Variants in CSMD2 observed in about 807,000 individuals in gnomAD.
CSMD2 encodes the protein CUB and sushi domain-containing protein 2.
Under a neutral mutation model 398.5 loss-of-function variants are expected in CSMD2, and 130 were observed. The ratio of observed to expected loss-of-function variants is 0.33; its 90% CI spans 0.28 to 0.38. The LOEUF is 0.38. Among genes scored for constraint, CSMD2 ranks in the 10% least tolerant of loss-of-function variants. The probability of loss-of-function intolerance (pLI) is 1.00; values close to 1 mark genes in which losing one functional copy is unlikely to be tolerated. For synonymous variants in CSMD2, 1,828 were observed against 1,908.5 expected, an observed-to-expected ratio of 0.96 and a Z score of 1.10; for missense variants, 3,829 against 4,764.9, an observed-to-expected ratio of 0.80 and a Z score of 5.78.
In CSMD2 at chr1:34,026,620, C is replaced by T. The variant is rs375366994; in HGVS notation, c.517+5974G>A. 2.0e-5 allele frequency among the ~76,000 whole-genome samples: 3 copies of T among 152,344 alleles called. No individual in the cohort carries two copies. The East Asian group carries it at 5.8e-4, about 29-fold the overall frequency. ...TGCAACCAGGATTAAGCACTAAAAACCTGCAGAGACTCTTCCCTCATTGGC... is the reference window on the plus strand; with the variant it reads ...TGCAACCAGGATTAAGCACTAAAAATCTGCAGAGACTCTTCCCTCATTGGC... On this transcript the variant is annotated intron_variant, in intron 3 of 70. Coordinates refer to ENST00000373381, the MANE Select transcript of CSMD2 (RefSeq NM_001281956.2).
intron 1 of CSMD2, among the ~76,000 whole-genome samples, chr1:34,096,211 C>A (rs1558380147): frequency 2.0e-5 from 3 of 151,938 alleles, no homozygotes; most frequent in African/African-American, 2.4e-5. Context: ...AATTCAACAA[C>A]CCTTCATGCT....
chr1:33,595,381 C>T (rs1639769582), intron 44 of CSMD2, among the ~76,000 whole-genome samples: 1 of 152,200 alleles, frequency 6.6e-6, no homozygotes, highest in East Asian at 1.9e-4. Context: ...TGCATCCTCT[C>T]ACCTGGAGTA....
chr1:33,673,182 T>TG (rs1644575492), intron 25 of CSMD2, among the ~76,000 whole-genome samples: 1 of 151,992 alleles, frequency 6.6e-6, no homozygotes, highest in Non-Finnish European at 1.5e-5. Flanking sequence ...GGAGGAAGGT[T>TG]GAACCAATGG....
At chr1:33,895,386 G>T (rs1642312441) in intron 5 of CSMD2, among the ~76,000 whole-genome samples, 1 of 152,160 alleles carries the variant, frequency 6.6e-6, no homozygotes, top group African/African-American at 2.4e-5. Context: ...AAGAGGCAGG[G>T]ATTGGCCCTA....
chr1:33,716,261 C>T, intron 20 of CSMD2, 25 bp downstream of exon 20: 1 of 1,580,170 alleles, frequency 6.3e-7, no homozygotes. Context: ...GGTCTCTTCC[C>T]CTCAGGGACC....
At chr1:33,775,273 A>G (rs1389709840) in intron 12 of CSMD2, among the ~76,000 whole-genome samples, 1 of 152,292 alleles carries the variant, frequency 6.6e-6, no homozygotes, top group East Asian at 1.9e-4. Context: ...CACTCACCTC[A>G]CTGGTCTTCA....
intron 1 of CSMD2, among the ~76,000 whole-genome samples, chr1:34,131,232 A>G (rs191746953): frequency 0.012 from 1,824 of 152,280 alleles, 100 homozygotes; most frequent in Admixed American, 0.11. Flanking sequence ...ACAGATGAGG[A>G]CACTGAGGTG....
intron 25 of CSMD2, among the ~76,000 whole-genome samples, chr1:33,668,042 C>G (rs557017569): frequency 2.6e-5 from 4 of 152,124 alleles, no homozygotes; most frequent in Non-Finnish European, 5.9e-5. Flanking sequence ...ACAGAGTGGC[C>G]GGAGAAGACC....
chr1:33,678,544 TG>T (rs1322139210), intron 25 of CSMD2, among the ~76,000 whole-genome samples: 25 of 152,088 alleles, frequency 1.6e-4, no homozygotes, highest in African/African-American at 6.0e-4. Flanking sequence ...AATGAACAGC[TG>T]CTGCAGGGGG....
chr1:33,988,746 T>G (rs1411025870), intron 3 of CSMD2, among the ~76,000 whole-genome samples: 1 of 151,340 alleles, frequency 6.6e-6, no homozygotes, highest in Non-Finnish European at 1.5e-5. Flanking sequence ...AAGGAGGGGA[T>G]GCTGATAGGG....
chr1:33,530,946 G>C (rs1655177167), intron 64 of CSMD2, among the ~76,000 whole-genome samples: 1 of 152,020 alleles, frequency 6.6e-6, no homozygotes, highest in Admixed American at 6.5e-5. Flanking sequence ...GGGCTAGGGT[G>C]GGGTGGTACT....
At chr1:33,809,229 A>G (rs185482986) in intron 10 of CSMD2, among the ~76,000 whole-genome samples, 35 of 151,766 alleles carry the variant, frequency 2.3e-4, no homozygotes, top group Admixed American at 2.0e-3. Context: ...GCAATATGAA[A>G]AAACAAATAA....
At chr1:33,966,233 C>G (rs567431244) in intron 3 of CSMD2, among the ~76,000 whole-genome samples, 5 of 152,326 alleles carry the variant, frequency 3.3e-5, no homozygotes, top group African/African-American at 1.2e-4. Context: ...AGCAGTGAAG[C>G]CTTCTTGACT....
chr1:33,599,873 G>GT (rs1174745124), intron 44 of CSMD2: 1 of 393,840 alleles, frequency 2.5e-6, no homozygotes, highest in Non-Finnish European at 4.5e-6. Flanking sequence ...GTCTTAGTGT[G>GT]TTTCTGCAAG....
chr1:34,140,734 C>G (rs1639214124), intron 1 of CSMD2, among the ~76,000 whole-genome samples: 1 of 152,170 alleles, frequency 6.6e-6, no homozygotes. Flanking sequence ...TCCCAATCTC[C>G]AATCTATGCC....
chr1:33,774,105 G>GAT, intron 12 of CSMD2, among the ~76,000 whole-genome samples: 1 of 138,528 alleles, frequency 7.2e-6, no homozygotes, highest in Non-Finnish European at 1.6e-5. Context: ...CTATGGCTGG[G>GAT]ATTGTGTGTG....
In CSMD2 at chr1:33,775,254, T is replaced by C. The variant is rs530088755; in HGVS notation, c.1664-2503A>G. Among the ~76,000 whole-genome samples the C allele has an allele frequency of 6.9e-4, 105 of 152,332 alleles. 1 individual carries two copies. The highest frequency in any genetic ancestry group is 2.4e-3 in the African/African-American group (101 of 41,574). On this transcript the variant is annotated intron_variant, in intron 12 of 70. Coordinates refer to ENST00000373381, the MANE Select transcript of CSMD2 (RefSeq NM_001281956.2). ...AAAATAAAGCCTGGATCCAACCCTATGCTCAGATCACTCACCTCACTGGTC... is the reference window on the plus strand; with the variant it reads ...AAAATAAAGCCTGGATCCAACCCTACGCTCAGATCACTCACCTCACTGGTC...
At chr1:33,920,223 T>C (rs1399783925) in intron 4 of CSMD2, among the ~76,000 whole-genome samples, 4 of 152,138 alleles carry the variant, frequency 2.6e-5, no homozygotes, top group African/African-American at 9.6e-5. Flanking sequence ...CCTGGCACCG[T>C]TGAAGAGCAT....
chr1:33,912,205 G>A (rs962846761), intron 5 of CSMD2, among the ~76,000 whole-genome samples: 6 of 152,126 alleles, frequency 3.9e-5, no homozygotes, highest in Admixed American at 2.0e-4. Flanking sequence ...GGCAGGCAGA[G>A]CCCATCCAGG....
Sources: allele counts gnomAD v4.1 joint callset (sites outside exome capture counted in the v4.1 genomes callset), GRCh38; gene constraint gnomAD v4.1.1; transcripts MANE v1.5; gene names NCBI Gene and HGNC (gene_info 2026-07-23, HGNC 2026-07-21).